STAB2: variants seen among roughly 807,000 people sequenced by gnomAD.
The protein encoded by STAB2 is stabilin 2.
A neutral mutation model predicts 338.1 loss-of-function variants in STAB2; 288 were observed. That is an observed-to-expected ratio of 0.85 (90% CI 0.77 to 0.94). STAB2 has a LOEUF of 0.94. Ranked by LOEUF, STAB2 falls within the 40% of genes least tolerant of loss-of-function variation. STAB2 has a pLI of 0.00. For missense variants in STAB2, 3,141 were observed against 3,210.1 expected, an observed-to-expected ratio of 0.98 and a Z score of 0.52; for synonymous variants, 1,202 against 1,193.3, an observed-to-expected ratio of 1.01 and a Z score of -0.15.
Position 103,706,842 on chromosome 12 carries a change from A to G in STAB2, c.4047A>G (p.Pro1349=). 3 of 1,614,242 alleles carry G rather than the reference A, an allele frequency of 1.9e-6. No homozygotes were observed. Among genetic ancestry groups the G allele is most frequent in the South Asian group, 2.2e-5 (2 of 91,084 alleles). The part of the protein sequence containing the change: ...GFFGPQCQPC[P]GNAQNVCFGN... ...TTGGCCCCCAATGCCAGCCCTGCCC[A>G]GGGAATGCCCAGAATGTCTGCTTTG... Residue 1349 remains proline, a synonymous_variant, in exon 38 of 69, where the codon CCA becomes CCG. Coordinates refer to ENST00000388887, the MANE Select transcript of STAB2 (RefSeq NM_017564.10).
At chr12:103,709,890 T>G (rs1566035948) in intron 39 of STAB2, among the ~76,000 whole-genome samples, 1 of 152,100 alleles carries the variant, frequency 6.6e-6, no homozygotes, top group African/African-American at 2.4e-5. Flanking sequence ...TCTTCTTGCT[T>G]TCTCTACTCT....
At chr12:103,694,866 G>C (rs189169193) in intron 31 of STAB2, among the ~76,000 whole-genome samples, 130 of 152,178 alleles carry the variant, frequency 8.5e-4, no homozygotes, top group Admixed American at 1.6e-3. Flanking sequence ...TGCCCAGATA[G>C]ATCAGATGGA....
At chr12:103,712,883 C>T (rs1879995959) in intron 41 of STAB2, among the ~76,000 whole-genome samples, 2 of 152,126 alleles carry the variant, frequency 1.3e-5, no homozygotes, top group South Asian at 4.1e-4. Context: ...CCTGGTTCTT[C>T]CTCCAACTAC....
rs141106272 is a variant in STAB2, at chr12:103,683,415, A to T, written c.2901+115A>T. The T allele has an allele frequency of 4.0e-4, 343 of 867,026 alleles. 1 individual carries two copies. The East Asian group carries it at 8.4e-3, about 21-fold the overall frequency. 53.7% of individuals were successfully genotyped at this position (867,026 alleles called of 1,614,324 possible). ...ATGAACAAAATCTCTTACCCCCAAA[A>T]GGGAATCTCTAAGCAGAATGCGAGT... On this transcript the variant is annotated intron_variant, in intron 26 of 68. Coordinates refer to ENST00000388887, the MANE Select transcript of STAB2 (RefSeq NM_017564.10).
In STAB2 at chr12:103,655,496, G is replaced by A; in HGVS notation, c.1649G>A (p.Gly550Asp). The A allele has an allele frequency of 6.2e-7, 1 of 1,614,022 alleles. No individual in the cohort carries two copies. The highest frequency in any genetic ancestry group is 8.5e-7 in the Non-Finnish European group (1 of 1,180,004). ...CATGCCTTAGATGAGGATGGAGTTG[G>A]TGGACCATACACCATTTTTGTTCCA... ...LGHALDEDGV[G>D]GPYTIFVPNN... The change falls in exon 15 of 69, where the codon GGT (glycine) becomes GAT (aspartate). Residue 550 changes from glycine to aspartate, a missense_variant. By Grantham distance (94) the Gly-to-Asp change is moderately conservative. Coordinates refer to ENST00000388887, the MANE Select transcript of STAB2 (RefSeq NM_017564.10).
intron 27 of STAB2, among the ~76,000 whole-genome samples, chr12:103,686,015 T>C (rs558447616): frequency 9.9e-5 from 15 of 152,250 alleles, no homozygotes; most frequent in Non-Finnish European, 1.8e-4. Context: ...TTGTGATATT[T>C]GTCCCTCTAC....
At chr12:103,647,350 C>A (rs963662052) in intron 9 of STAB2, among the ~76,000 whole-genome samples, 2 of 152,150 alleles carry the variant, frequency 1.3e-5, no homozygotes, top group Non-Finnish European at 2.9e-5. Flanking sequence ...AGTGCATAGT[C>A]TTTCTTTAGA....
rs143101772 is a variant in STAB2, at chr12:103,689,424, A to G, written c.3046-422A>G. Reference sequence around the variant, plus strand: ...CTTGAACCTGGGAGGCGGAGGTTGCAGTGAGCTGAGATCACACCACTGCAC... The same window carrying G: ...CTTGAACCTGGGAGGCGGAGGTTGCGGTGAGCTGAGATCACACCACTGCAC... On this transcript the variant is annotated intron_variant, in intron 28 of 68. Transcript: ENST00000388887. Among the ~76,000 whole-genome samples the G allele has an allele frequency of 3.0e-3, 456 of 151,952 alleles. 5 individuals carry two copies. The highest frequency in any genetic ancestry group is 0.01 in the African/African-American group (429 of 41,414).
At chr12:103,760,386 G>A (rs146258052) in intron 65 of STAB2, among the ~76,000 whole-genome samples, 5,893 of 152,148 alleles carry the variant, frequency 0.039, 168 homozygotes, top group Middle Eastern at 0.054. Context: ...TCAGCCTCCC[G>A]CGTAGCTGGG....
At chr12:103,590,016 T>C (rs1956771714) in intron 1 of STAB2, among the ~76,000 whole-genome samples, 1 of 152,188 alleles carries the variant, frequency 6.6e-6, no homozygotes, top group Non-Finnish European at 1.5e-5. Context: ...TCCCCAAGTT[T>C]AGTCTCTCTT....
At chr12:103,617,148 G>A (rs1006011777) in intron 3 of STAB2, among the ~76,000 whole-genome samples, 8 of 152,192 alleles carry the variant, frequency 5.3e-5, no homozygotes, top group Admixed American at 3.9e-4. Context: ...GAAGTGATGA[G>A]AGCTCTAGAT....
At chr12:103,666,240 C>T in intron 18 of STAB2, 51 bp from the exon 19 acceptor site, 2 of 1,575,102 alleles carry the variant, frequency 1.3e-6, no homozygotes, top group Non-Finnish European at 1.7e-6. Context: ...ACCATCGCCA[C>T]TGCTCCCTCT....
intron 9 of STAB2, among the ~76,000 whole-genome samples, chr12:103,647,879 A>G (rs1398182573): frequency 6.6e-6 from 1 of 152,162 alleles, no homozygotes; most frequent in Non-Finnish European, 1.5e-5. Flanking sequence ...CATAGTTTGT[A>G]TATTTATTTT....
intron 28 of STAB2, among the ~76,000 whole-genome samples, chr12:103,688,832 A>G (rs1377530394): frequency 6.6e-6 from 1 of 152,152 alleles, no homozygotes; most frequent in Non-Finnish European, 1.5e-5. Context: ...GTCTCACCCC[A>G]CAGGCATGAG....
chr12:103,738,829 G>A (rs1007934181), intron 53 of STAB2, among the ~76,000 whole-genome samples: 1 of 152,166 alleles, frequency 6.6e-6, no homozygotes, highest in Non-Finnish European at 1.5e-5. Context: ...ACTGCTAATA[G>A]CATATGCCTG....
intron 33 of STAB2, among the ~76,000 whole-genome samples, chr12:103,697,830 G>A (rs1878532582): frequency 6.6e-6 from 1 of 152,214 alleles, no homozygotes; most frequent in African/African-American, 2.4e-5. Flanking sequence ...ACAATGGGAG[G>A]AGGTTGGAAT....
intron 28 of STAB2, among the ~76,000 whole-genome samples, chr12:103,688,837 C>T (rs1877666790): frequency 6.6e-6 from 1 of 152,296 alleles, no homozygotes; most frequent in Admixed American, 6.5e-5. Context: ...ACCCCACAGG[C>T]ATGAGCTGGC....
chr12:103,675,096 T>C (rs1876210528), intron 23 of STAB2, among the ~76,000 whole-genome samples: 1 of 152,224 alleles, frequency 6.6e-6, no homozygotes, highest in African/African-American at 2.4e-5. Flanking sequence ...ATAATGTATT[T>C]TGTTCCTGTA....
At chr12:103,761,034 T>C (rs1244323595) in intron 65 of STAB2, among the ~76,000 whole-genome samples, 1 of 152,110 alleles carries the variant, frequency 6.6e-6, no homozygotes, top group African/African-American at 2.4e-5. Context: ...TCAGGCCACT[T>C]TCCTTCTGAT....
Sources: allele counts gnomAD v4.1 joint callset (sites outside exome capture counted in the v4.1 genomes callset), GRCh38; gene constraint gnomAD v4.1.1; transcripts MANE v1.5; gene names NCBI Gene and HGNC (gene_info 2026-07-23, HGNC 2026-07-21).